VWA2: variants seen among roughly 807,000 people sequenced by gnomAD.
VWA2 encodes the protein von Willebrand factor A domain-containing protein 2.
A neutral mutation model predicts 70.4 loss-of-function variants in VWA2; 73 were observed. That is an observed-to-expected ratio of 1.04 (90% CI 0.86 to 1.26). VWA2 has a LOEUF of 1.26. Among genes scored for constraint, VWA2 ranks in the 50% most tolerant of loss-of-function variants. The pLI is 0.00. For synonymous variants in VWA2, 407 were observed against 423.3 expected (o/e 0.96, Z 0.47); for missense variants, 1,011 against 998.5 (o/e 1.01, Z -0.17).
At chr10:114,240,517 A>G (rs990108432) in intron 1 of VWA2, among the ~76,000 whole-genome samples, 2 of 152,256 alleles carry the variant, frequency 1.3e-5, no homozygotes, top group Non-Finnish European at 2.9e-5. Context: ...TAGAACGTGT[A>G]CATTTTTCAA....
At chr10:114,265,807 G>A (rs2037549539) in intron 5 of VWA2, among the ~76,000 whole-genome samples, 1 of 152,178 alleles carries the variant, frequency 6.6e-6, no homozygotes, top group Admixed American at 6.5e-5. Flanking sequence ...TAGCACTTAT[G>A]TTTCCTAGGA....
At chr10:114,285,343 G>A (rs2038730746) in intron 10 of VWA2, among the ~76,000 whole-genome samples, 1 of 152,220 alleles carries the variant, frequency 6.6e-6, no homozygotes, top group South Asian at 2.1e-4. Flanking sequence ...GATTCCTTTT[G>A]ATTTTAGAGG....
At chr10:114,290,151 T>G in intron 12 of VWA2, 89 bp from the exon 13 acceptor site, 1 of 1,498,206 alleles carries the variant, frequency 6.7e-7, no homozygotes, top group Middle Eastern at 1.7e-4. Flanking sequence ...CTAGTAGCCT[T>G]GCACCTCTAC....
intron 6 of VWA2, 23 bp downstream of exon 6, chr10:114,272,957 A>T (rs1206089482): frequency 6.3e-7 from 1 of 1,595,986 alleles, no homozygotes; most frequent in Non-Finnish European, 8.5e-7. Flanking sequence ...GTCACCCTGG[A>T]TCAGCCCTCA....
At chr10:114,270,427 T>A (rs2037683021) in intron 5 of VWA2, among the ~76,000 whole-genome samples, 1 of 152,234 alleles carries the variant, frequency 6.6e-6, no homozygotes, top group Admixed American at 6.5e-5. Context: ...GTCTGGCACA[T>A]GCTAAATGCC....
At chr10:114,286,705 C>G (rs1364742076) in intron 11 of VWA2, among the ~76,000 whole-genome samples, 194 bp downstream of exon 11, 2 of 152,208 alleles carry the variant, frequency 1.3e-5, no homozygotes, top group Non-Finnish European at 2.9e-5. Context: ...AGTAGTACCT[C>G]CTGAGAGATC....
At position 114,253,633 on chromosome 10, in the gene VWA2, T is replaced by C. The variant is rs780775951; in HGVS notation, c.53-18T>C. On this transcript the variant is annotated intron_variant, in intron 2 of 13. Transcript: ENST00000392982. ...CTCTCAGCATTTTAATGGCTGCTTC[T>C]GGTGTTTTCTCTCCTAGTGCCCCCA... 63 of 1,609,778 alleles carry C rather than the reference T, an allele frequency of 3.9e-5. No individual in the cohort carries two copies. In the South Asian group the frequency reaches 6.8e-4, roughly 17 times the overall value.
chr10:114,240,378 C>G (rs577260876), intron 1 of VWA2, among the ~76,000 whole-genome samples: 3 of 152,236 alleles, frequency 2.0e-5, no homozygotes, highest in East Asian at 1.9e-4. Context: ...GGGCACCAGA[C>G]AGAAGAGAAG....
At chr10:114,244,274 C>T (rs2037024511) in intron 1 of VWA2, among the ~76,000 whole-genome samples, 1 of 152,178 alleles carries the variant, frequency 6.6e-6, no homozygotes, top group Non-Finnish European at 1.5e-5. Flanking sequence ...GCCTCTAGTT[C>T]ATAGCCTGTT....
Position 114,291,366 on chromosome 10 carries a change from C to A in VWA2, c.*129C>A. ...CCCAGGTCCTTAGAATGTCTGCTTC[C>A]CGCCGTGGCCAGGACCACTATTCTC... On this transcript the variant is annotated 3_prime_UTR_variant, in exon 14 of 14. Transcript: ENST00000392982. The A allele has an allele frequency of 8.7e-7, 1 of 1,155,456 alleles. No homozygotes were observed. The highest frequency in any genetic ancestry group is 1.2e-6 in the Non-Finnish European group (1 of 842,280). 71.6% of individuals were successfully genotyped at this position (1,155,456 alleles called of 1,614,324 possible).
At chr10:114,291,174 G>A in intron 13 of VWA2, 44 bp from the exon 14 acceptor site, 1 of 1,550,094 alleles carries the variant, frequency 6.5e-7, no homozygotes. Context: ...GGCTGAGAAG[G>A]GGATGCAGAC....
chr10:114,291,448 C>A lies in VWA2; in HGVS notation c.*211C>A. ...ATGCTGCTTAGAGACAAGAAAGCAG[C>A]TGATGTCACCCACAAACGATGTTGT... On this transcript the variant is annotated 3_prime_UTR_variant, in exon 14 of 14. Coordinates refer to ENST00000392982, the MANE Select transcript of VWA2 (RefSeq NM_001272046.2). 1.8e-6 allele frequency: 1 copy of A among 567,132 alleles called. No homozygotes were observed. The highest frequency in any genetic ancestry group is 3.0e-6 in the Non-Finnish European group (1 of 332,062). The allele number at this position is 567,132 out of a possible 1,614,324, so 35.1% of individuals were successfully genotyped here.
At chr10:114,271,649 T>A (rs1338011723) in intron 5 of VWA2, among the ~76,000 whole-genome samples, 1 of 142,272 alleles carries the variant, frequency 7.0e-6, no homozygotes, top group Non-Finnish European at 1.5e-5. Flanking sequence ...ACACAGCAGG[T>A]AATGCCCATG....
chr10:114,269,296 A>T (rs2037652558), intron 5 of VWA2, among the ~76,000 whole-genome samples: 1 of 152,004 alleles, frequency 6.6e-6, no homozygotes, highest in Non-Finnish European at 1.5e-5. Flanking sequence ...GAAAATCTGG[A>T]TGGGCCAGGC....
In VWA2 at chr10:114,291,108, G is replaced by A. The variant is rs973871838; in HGVS notation, c.2249-110G>A. 9 of 1,262,584 alleles carry A rather than the reference G, an allele frequency of 7.1e-6. No homozygotes were observed. In the African/African-American group the frequency reaches 8.9e-5, roughly 12 times the overall value. 78.2% of individuals were successfully genotyped at this position (1,262,584 alleles called of 1,614,324 possible). Reference sequence around the variant, plus strand: ...TAATCTGGCATCTTCTGCTGGGGGCGAGGTGGGTTGTAGAGTAAGAGCAGG... The same window carrying A: ...TAATCTGGCATCTTCTGCTGGGGGCAAGGTGGGTTGTAGAGTAAGAGCAGG... On this transcript the variant is annotated intron_variant, in intron 13 of 13. Coordinates refer to ENST00000392982, the MANE Select transcript of VWA2 (RefSeq NM_001272046.2).
rs190203789 is a variant in VWA2 at position 114,249,622 on chromosome 10, G to A, written c.52+857G>A. 3.0e-3 allele frequency among the ~76,000 whole-genome samples: 439 copies of A among 148,698 alleles called. 4 individuals are homozygous for A. Among genetic ancestry groups the A allele is most frequent in the Middle Eastern group, 0.014 (4 of 276 alleles). ...TTCTGTTCCGGCATTAGTTTGCTGAGGAGAATGGCTTCTAGCTCCACCCAT... is the reference window on the plus strand; with the variant it reads ...TTCTGTTCCGGCATTAGTTTGCTGAAGAGAATGGCTTCTAGCTCCACCCAT... On this transcript the variant is annotated intron_variant, in intron 2 of 13. Coordinates refer to ENST00000392982, the MANE Select transcript of VWA2 (RefSeq NM_001272046.2).
At chr10:114,255,093 GA>G (rs2037294860) in intron 4 of VWA2, 45 bp downstream of exon 4, 2 of 1,602,154 alleles carry the variant, frequency 1.2e-6, no homozygotes, top group Admixed American at 3.3e-5. Flanking sequence ...CGTCTTCTGT[GA>G]TAAGGGACAG....
In VWA2 at chr10:114,263,193, T is replaced by A. The variant is rs1359477444; in HGVS notation, c.371+1898T>A. On this transcript the variant is annotated intron_variant, in intron 5 of 13. Coordinates refer to ENST00000392982, the MANE Select transcript of VWA2 (RefSeq NM_001272046.2). Reference sequence around the variant, plus strand: ...ACCACACTGGGCTAATTTTTCTATTTTTGTAGAGATGGGGTTTCCCCATGT... The same window carrying A: ...ACCACACTGGGCTAATTTTTCTATTATTGTAGAGATGGGGTTTCCCCATGT... Among the ~76,000 whole-genome samples the A allele has an allele frequency of 2.0e-5, 3 of 152,100 alleles. No homozygotes were observed. In the South Asian group the frequency reaches 6.2e-4, roughly 32 times the overall value.
Position 114,255,050 on chromosome 10 carries a change from T to A in VWA2, c.261+2T>A. 2 of 1,610,650 alleles carry A rather than the reference T, an allele frequency of 1.2e-6. No individual in the cohort carries two copies. Among genetic ancestry groups the A allele is most frequent in the Non-Finnish European group, 1.7e-6 (2 of 1,179,556 alleles). ...GGTCTGGACATCAGCCCCGAGAGGG[T>A]GAGTGCAAGTCTTGTGGGTGTTTGT... On this transcript the variant is annotated splice_donor_variant, in intron 4 of 13. Transcript: ENST00000392982. LOFTEE classifies it high-confidence loss of function.
Sources: gnomAD v4.1 joint callset for allele counts (sites outside exome capture counted in the v4.1 genomes callset) on GRCh38, gnomAD v4.1.1 for gene constraint, MANE v1.5 for transcripts, NCBI Gene and HGNC (gene_info 2026-07-23, HGNC 2026-07-21) for gene names.